The following NRXN3 variants were observed in gnomAD, a reference collection of about 807,000 sequenced individuals.
The protein encoded by NRXN3 is neurexin 3.
In NRXN3, 32 loss-of-function variants were observed where a neutral mutation model predicts 137.6. The ratio of observed to expected loss-of-function variants is 0.23; its 90% CI spans 0.18 to 0.31. NRXN3 has a LOEUF of 0.31. Among genes scored for constraint, NRXN3 ranks in the 10% least tolerant of loss-of-function variants. The pLI is 1.00. For synonymous variants in NRXN3, 798 were observed against 784.5 expected (o/e 1.02, Z -0.29); for missense variants, 1,574 against 2,062.5 (o/e 0.76, Z 4.59).
intron 16 of NRXN3, among the ~76,000 whole-genome samples, chr14:79,471,739 G>A (rs2096510916): frequency 1.3e-5 from 2 of 152,048 alleles, no homozygotes; most frequent in Admixed American, 6.6e-5. Context: ...GGAAAACTTG[G>A]GCAAAATGAA....
chr14:78,444,806 C>G (rs902493934), intron 4 of NRXN3, among the ~76,000 whole-genome samples: 1 of 151,328 alleles, frequency 6.6e-6, no homozygotes, highest in African/African-American at 2.4e-5. Context: ...GTAATCCCAG[C>G]TACTCGGGAG....
At chr14:79,718,525 G>C (rs1432135246) in intron 19 of NRXN3, among the ~76,000 whole-genome samples, 1 of 152,208 alleles carries the variant, frequency 6.6e-6, no homozygotes, top group East Asian at 1.9e-4. Context: ...AAAGCAGCAA[G>C]AGAGGAGGCA....
At chr14:79,317,313 C>A (rs1388454556) in intron 15 of NRXN3, among the ~76,000 whole-genome samples, 1 of 152,176 alleles carries the variant, frequency 6.6e-6, no homozygotes, top group African/African-American at 2.4e-5. Context: ...CTCTTTCTAA[C>A]CTCTTTTGAT....
rs563612739 is a variant in NRXN3 at position 78,897,716 on chromosome 14, C to G, written c.2276-59526C>G. ...CATTACACATTTATCCCAAGTAATGCGTAGGGAGCTTCCTTTCTTGCACCT... is the reference window on the plus strand; with the variant it reads ...CATTACACATTTATCCCAAGTAATGGGTAGGGAGCTTCCTTTCTTGCACCT... On this transcript the variant is annotated intron_variant, in intron 10 of 20. Transcript: ENST00000335750. Among the ~76,000 whole-genome samples, 5 of 151,974 alleles carry G rather than the reference C, an allele frequency of 3.3e-5. No homozygotes were observed. In the East Asian group the frequency reaches 7.8e-4, roughly 24 times the overall value.
intron 19 of NRXN3, among the ~76,000 whole-genome samples, chr14:79,751,072 A>G (rs1049254728): frequency 1.8e-4 from 28 of 152,014 alleles, no homozygotes; most frequent in Admixed American, 1.3e-4. Context: ...TTGGTTCCAT[A>G]TGAACTTTAA....
chr14:79,602,325 A>G (rs1419019302), intron 16 of NRXN3, among the ~76,000 whole-genome samples: 1 of 152,246 alleles, frequency 6.6e-6, no homozygotes, highest in Non-Finnish European at 1.5e-5. Context: ...TATAGCTCCA[A>G]GAGAGTTGCT....
intron 15 of NRXN3, among the ~76,000 whole-genome samples, chr14:79,190,485 CGT>C (rs2064142443): frequency 6.6e-6 from 1 of 152,074 alleles, no homozygotes; most frequent in Non-Finnish European, 1.5e-5. Flanking sequence ...TTAATGGACA[CGT>C]AGTGGTTGCT....
intron 4 of NRXN3, among the ~76,000 whole-genome samples, chr14:78,314,015 A>G (rs1276262980): frequency 6.6e-6 from 1 of 152,214 alleles, no homozygotes; most frequent in African/African-American, 2.4e-5. Flanking sequence ...AGCTCACAAT[A>G]GAGTAGGAAG....
intron 6 of NRXN3, among the ~76,000 whole-genome samples, chr14:78,701,065 C>T (rs1050885587): frequency 3.3e-5 from 5 of 152,130 alleles, no homozygotes; most frequent in African/African-American, 9.7e-5. Context: ...CCACTGCGCC[C>T]GGCCTGGAAA....
chr14:78,926,964 A>T (rs2099305789), intron 10 of NRXN3, among the ~76,000 whole-genome samples: 1 of 56,514 alleles, frequency 1.8e-5, no homozygotes, highest in Non-Finnish European at 2.8e-5. Flanking sequence ...TATAATATAT[A>T]TATAATATAT....
At chr14:79,409,822 A>G (rs111465325) in intron 15 of NRXN3, among the ~76,000 whole-genome samples, 5 of 151,594 alleles carry the variant, frequency 3.3e-5, no homozygotes, top group African/African-American at 9.7e-5. Context: ...TCTTACTACA[A>G]TGGCCCACTT....
intron 9 of NRXN3, among the ~76,000 whole-genome samples, chr14:78,804,383 G>A (rs796356132): frequency 1.3e-4 from 20 of 152,314 alleles, no homozygotes; most frequent in African/African-American, 4.8e-4. Flanking sequence ...CAAGTAGATT[G>A]TTGTTCCCTT....
At chr14:78,938,859 T>TCTTTTC (rs2099347297) in intron 10 of NRXN3, among the ~76,000 whole-genome samples, 1 of 149,462 alleles carries the variant, frequency 6.7e-6, no homozygotes, top group East Asian at 1.9e-4. Flanking sequence ...TTTTTTTTTT[T>TCTTTTC]TTTTTGAGAT....
At chr14:79,739,019 G>GTAAA (rs1340670269) in intron 19 of NRXN3, among the ~76,000 whole-genome samples, 1 of 152,200 alleles carries the variant, frequency 6.6e-6, no homozygotes, top group Non-Finnish European at 1.5e-5. Context: ...AAAATATGGT[G>GTAAA]TAAATAAAAA....
At chr14:79,556,388 T>G (rs748280009) in intron 16 of NRXN3, among the ~76,000 whole-genome samples, 32 of 152,180 alleles carry the variant, frequency 2.1e-4, no homozygotes, top group Non-Finnish European at 3.8e-4. Context: ...ATAAGCATTT[T>G]GAGTACCTAT....
chr14:79,823,959 C>T (rs1286321572), intron 20 of NRXN3: 9 of 436,100 alleles, frequency 2.1e-5, no homozygotes, highest in Non-Finnish European at 4.7e-6. Context: ...CACAAGCTAT[C>T]CTGTAAATGA....
intron 20 of NRXN3, among the ~76,000 whole-genome samples, chr14:79,848,843 C>T (rs1324119351): frequency 1.3e-5 from 2 of 152,126 alleles, no homozygotes; most frequent in Non-Finnish European, 2.9e-5. Context: ...TTAAGCCTCC[C>T]TTCAGAATTC....
chr14:78,237,904 G>A (rs1303486566), intron 1 of NRXN3, among the ~76,000 whole-genome samples: 1 of 152,190 alleles, frequency 6.6e-6, no homozygotes, highest in African/African-American at 2.4e-5. Context: ...CCCACCTGGG[G>A]ACTGTGGGAT....
intron 4 of NRXN3, among the ~76,000 whole-genome samples, chr14:78,516,958 G>A (rs1567817814): frequency 1.3e-5 from 2 of 152,122 alleles, no homozygotes; most frequent in Non-Finnish European, 2.9e-5. Flanking sequence ...AGTTTCTTCA[G>A]TCTGAAAAAG....
Sources: gnomAD v4.1 joint callset for allele counts (sites outside exome capture counted in the v4.1 genomes callset) on GRCh38, gnomAD v4.1.1 for gene constraint, MANE v1.5 for transcripts, NCBI Gene and HGNC (gene_info 2026-07-23, HGNC 2026-07-21) for gene names.